Variants in LPAR3 observed in about 807,000 individuals in gnomAD.
LPAR3 encodes the protein LPA receptor 3.
A neutral mutation model predicts 17.8 loss-of-function variants in LPAR3; 7 were observed. The ratio of observed to expected loss-of-function variants is 0.39; its 90% CI spans 0.22 to 0.74. The LOEUF is 0.74. Among genes scored for constraint, LPAR3 ranks in the 30% least tolerant of loss-of-function variants. The probability of loss-of-function intolerance (pLI) is 0.40; values close to 1 mark genes in which losing one functional copy is unlikely to be tolerated. For missense variants in LPAR3, 391 were observed against 453.4 expected, an observed-to-expected ratio of 0.86 and a Z score of 1.25; for synonymous variants, 179 against 179.9, an observed-to-expected ratio of 0.99 and a Z score of 0.04.
chr1:84,876,653 C>G (rs113367485), intron 1 of LPAR3, among the ~76,000 whole-genome samples: 8 of 152,200 alleles, frequency 5.3e-5, no homozygotes, highest in African/African-American at 1.4e-4. Flanking sequence ...ATCCCCTCCC[C>G]GCCGCTCCGG....
At chr1:84,861,159 T>C (rs1449032845) in intron 2 of LPAR3, among the ~76,000 whole-genome samples, 1 of 152,250 alleles carries the variant, frequency 6.6e-6, no homozygotes, top group African/African-American at 2.4e-5. Context: ...AGTATTAAGC[T>C]ATTCATCTCC....
chr1:84,864,007 T>C (rs1570892634), intron 2 of LPAR3, among the ~76,000 whole-genome samples: 1 of 151,428 alleles, frequency 6.6e-6, no homozygotes, highest in Non-Finnish European at 1.5e-5. Context: ...AGCTCAGGAG[T>C]TCGAGAGTAG....
intron 2 of LPAR3, among the ~76,000 whole-genome samples, chr1:84,863,476 C>G: frequency 6.6e-6 from 1 of 152,164 alleles, no homozygotes; most frequent in East Asian, 1.9e-4. Flanking sequence ...TTCTAGTTCC[C>G]CAGAGTCTCC....
chr1:84,840,565 A>C (rs927708239), intron 2 of LPAR3, among the ~76,000 whole-genome samples: 6 of 152,208 alleles, frequency 3.9e-5, no homozygotes, highest in Non-Finnish European at 8.8e-5. Context: ...ACAAACAATA[A>C]ACTTTTATGC....
intron 1 of LPAR3, among the ~76,000 whole-genome samples, chr1:84,889,056 G>A (rs1660507550): frequency 6.6e-6 from 1 of 152,044 alleles, no homozygotes; most frequent in African/African-American, 2.4e-5. Flanking sequence ...CATGGGCAAG[G>A]GAGGAGTTCA....
intron 2 of LPAR3, among the ~76,000 whole-genome samples, chr1:84,836,165 T>C (rs1256716798): frequency 4.6e-5 from 7 of 151,248 alleles, no homozygotes; most frequent in Non-Finnish European, 8.8e-5. Context: ...GGCAAAACTC[T>C]GTCTCTACAA....
chr1:84,826,042 A>G (rs1026083069), intron 2 of LPAR3, among the ~76,000 whole-genome samples: 3 of 151,926 alleles, frequency 2.0e-5, no homozygotes, highest in African/African-American at 7.2e-5. Context: ...AGAGAATATA[A>G]TGATAACGGT....
At position 84,865,701 on chromosome 1, in the gene LPAR3, C is replaced by T. The variant is rs1660031045; in HGVS notation, c.420G>A (p.Leu140=). Residue 140 remains leucine (L), a synonymous_variant, in exon 2 of 3, where the codon CTG becomes CTA. Transcript: ENST00000370611. ...SIMRMRVHSN[L]TKKRVTLLIL... is the part of the protein sequence containing the mutation. ...TGAGCAGTGTCACCCTCTTTTTGGT[C>T]AGGTTGCTATGGACCCGCATCCTCA... 1 of 1,614,152 alleles carries T rather than the reference C, an allele frequency of 6.2e-7. No individual in the cohort carries two copies. The highest frequency in any genetic ancestry group is 8.5e-7 in the Non-Finnish European group (1 of 1,180,020).
At chr1:84,890,246 GC>G (rs11344934) in intron 1 of LPAR3, among the ~76,000 whole-genome samples, 93,096 of 151,488 alleles carry the variant, frequency 0.61, 28,854 homozygotes, top group East Asian at 0.83. Context: ...AAGGCCCATG[GC>G]CAGGAAAAGA....
intron 2 of LPAR3, among the ~76,000 whole-genome samples, chr1:84,854,568 C>G (rs886230062): frequency 2.6e-5 from 4 of 152,174 alleles, no homozygotes; most frequent in African/African-American, 9.7e-5. Flanking sequence ...AAATCTTGGT[C>G]ATTTCCTGAC....
intron 1 of LPAR3, among the ~76,000 whole-genome samples, chr1:84,875,869 C>G (rs1660246337): frequency 6.6e-6 from 1 of 152,158 alleles, no homozygotes; most frequent in African/African-American, 2.4e-5. Flanking sequence ...GTCTCTTGCT[C>G]CATATGGTTT....
At chr1:84,847,937 G>T (rs1043150848) in intron 2 of LPAR3, among the ~76,000 whole-genome samples, 8 of 152,192 alleles carry the variant, frequency 5.3e-5, no homozygotes, top group Non-Finnish European at 1.2e-4. Context: ...CCCCTTCCTT[G>T]TTGGCTCCTG....
chr1:84,867,256 CATGA>C (rs1660069111), intron 1 of LPAR3, among the ~76,000 whole-genome samples: 1 of 152,212 alleles, frequency 6.6e-6, no homozygotes, highest in Admixed American at 6.5e-5. Context: ...TGGCCACAGC[CATGA>C]ACGGTCCTAC....
chr1:84,826,145 A>G (rs947567999), intron 2 of LPAR3, among the ~76,000 whole-genome samples: 2 of 151,422 alleles, frequency 1.3e-5, no homozygotes, highest in African/African-American at 2.4e-5. Flanking sequence ...TATGTATAAT[A>G]GCAACATATA....
intron 2 of LPAR3, among the ~76,000 whole-genome samples, chr1:84,824,081 T>A (rs892027207): frequency 1.6e-4 from 25 of 152,202 alleles, no homozygotes; most frequent in Non-Finnish European, 2.9e-5. Flanking sequence ...GTATAAGAGA[T>A]GTCTCTAATG....
intron 2 of LPAR3, among the ~76,000 whole-genome samples, chr1:84,843,682 G>T (rs113299042): frequency 7.7e-4 from 118 of 152,388 alleles, no homozygotes; most frequent in African/African-American, 2.8e-3. Context: ...TTTCTAAAGA[G>T]ATCTAAGTGC....
chr1:84,856,616 C>T (rs1464690162), intron 2 of LPAR3, among the ~76,000 whole-genome samples: 1 of 151,794 alleles, frequency 6.6e-6, no homozygotes, highest in East Asian at 1.9e-4. Flanking sequence ...TGAATAATAC[C>T]AAAAGGCCTG....
chr1:84,872,775 G>T (rs151144718), intron 1 of LPAR3, among the ~76,000 whole-genome samples: 1 of 152,150 alleles, frequency 6.6e-6, no homozygotes, highest in Non-Finnish European at 1.5e-5. Flanking sequence ...GAAATGGGGC[G>T]GGCGGTGGGG....
chr1:84,885,523 T>C lies in LPAR3; in HGVS notation c.-19+7493A>G, dbSNP rs180834243. Among the ~76,000 whole-genome samples, 557 of 152,368 alleles carry C rather than the reference T, an allele frequency of 3.7e-3. 5 individuals carry two copies. The highest frequency in any genetic ancestry group is 0.012 in the African/African-American group (482 of 41,586). ...ACTATTCCTCTTTGCTTTCCTTCCA[T>C]TCCTATTTTCTTTCTTCCTTTCCCT... On this transcript the variant is annotated intron_variant, in intron 1 of 2. Coordinates refer to ENST00000370611, the MANE Select transcript of LPAR3 (RefSeq NM_012152.3).
Sources: allele counts gnomAD v4.1 joint callset (sites outside exome capture counted in the v4.1 genomes callset), GRCh38; gene constraint gnomAD v4.1.1; transcripts MANE v1.5; gene names NCBI Gene and HGNC (gene_info 2026-07-23, HGNC 2026-07-21).